Variants in MYCBP2 observed in about 807,000 individuals in gnomAD.
MYCBP2 encodes the protein E3 ubiquitin-protein ligase MYCBP2.
MYCBP2 carries 120 observed loss-of-function variants against 525.3 expected under a neutral mutation model. The observed-to-expected ratio is 0.23, with a 90% CI of 0.20 to 0.27. The LOEUF is 0.27. MYCBP2 is among the 10% of genes least tolerant of loss of function. The probability of loss-of-function intolerance (pLI) is 1.00; values close to 1 mark genes in which losing one functional copy is unlikely to be tolerated. For synonymous variants in MYCBP2, 1,894 were observed against 1,955.8 expected (o/e 0.97, Z 0.83); for missense variants, 4,149 against 5,657.1 (o/e 0.73, Z 8.55).
Position 77,081,334 on chromosome 13 carries a change from G to T in MYCBP2, c.11418+93C>A. 1 of 1,077,158 alleles carries T rather than the reference G, an allele frequency of 9.3e-7. No individual in the cohort carries two copies. Among genetic ancestry groups the T allele is most frequent in the Non-Finnish European group, 1.4e-6 (1 of 727,808 alleles). The allele number at this position is 1,077,158 out of a possible 1,614,324, so 66.7% of individuals were successfully genotyped here. ...ATGTTTGGTTGGTGAAATTCCAGGT[G>T]ATAAAGCTTGTTGCTAAATTCAGAA... On this transcript the variant is annotated intron_variant, in intron 65 of 82. Transcript: ENST00000544440. This position sits in a 1 kb window ranked among gnomAD's most constrained non-coding sequence, Gnocchi z 4.6.
intron 23 of MYCBP2, among the ~76,000 whole-genome samples, chr13:77,208,443 A>G (rs964014485): frequency 6.6e-6 from 1 of 152,210 alleles, no homozygotes; most frequent in African/African-American, 2.4e-5. Context: ...CATTGTAGGT[A>G]GTATCGTAAT....
chr13:77,297,305 T>C (rs11617489), intron 1 of MYCBP2, among the ~76,000 whole-genome samples: 4,190 of 152,324 alleles, frequency 0.028, 91 homozygotes, highest in Non-Finnish European at 0.042. Context: ...TCACTTAATA[T>C]GTTTTATGTT....
intron 46 of MYCBP2, among the ~76,000 whole-genome samples, chr13:77,154,574 AC>A (rs1460147518): frequency 6.6e-6 from 1 of 152,118 alleles, no homozygotes; most frequent in East Asian, 1.9e-4. Context: ...AGAAAATACA[AC>A]TAAAGAAATA....
At chr13:77,163,242 G>C (rs2058152995) in intron 43 of MYCBP2, among the ~76,000 whole-genome samples, 1 of 152,118 alleles carries the variant, frequency 6.6e-6, no homozygotes, top group East Asian at 1.9e-4. Context: ...ATGTCAAAAA[G>C]TATATATAAT....
At chr13:77,136,336 T>C (rs896587969) in intron 52 of MYCBP2, among the ~76,000 whole-genome samples, 4 of 152,246 alleles carry the variant, frequency 2.6e-5, no homozygotes, top group Non-Finnish European at 4.4e-5. Flanking sequence ...TTCTACTTTA[T>C]TGCCTGCATT....
chr13:77,118,083 G>T (rs1248595826), intron 55 of MYCBP2, among the ~76,000 whole-genome samples: 2 of 152,128 alleles, frequency 1.3e-5, no homozygotes, highest in African/African-American at 2.4e-5. Context: ...CTTGAAGTAA[G>T]AAAAATCCAC....
chr13:77,223,902 A>AAAATT (rs2065915594), intron 20 of MYCBP2, among the ~76,000 whole-genome samples: 1 of 150,742 alleles, frequency 6.6e-6, no homozygotes, highest in East Asian at 1.9e-4. Flanking sequence ...GTCACGAACT[A>AAAATT]AAACTAAAAC....
At chr13:77,228,228 G>C (rs1304217738) in intron 18 of MYCBP2, among the ~76,000 whole-genome samples, 7 of 152,044 alleles carry the variant, frequency 4.6e-5, no homozygotes, top group Non-Finnish European at 4.4e-5. Flanking sequence ...TGCTCAAGCT[G>C]GGCATGGTGG....
intron 18 of MYCBP2, among the ~76,000 whole-genome samples, chr13:77,231,914 C>T (rs2067188998): frequency 6.6e-6 from 1 of 152,184 alleles, no homozygotes; most frequent in Non-Finnish European, 1.5e-5. Flanking sequence ...TTGGAATCAG[C>T]TGTCTTAGGT....
chr13:77,268,123 GAAAATTGATGT>G (rs2154342669), intron 7 of MYCBP2, among the ~76,000 whole-genome samples, 186 bp from the exon 8 acceptor site: 1 of 152,194 alleles, frequency 6.6e-6, no homozygotes, highest in South Asian at 2.1e-4. Context: ...ATACATTATT[GAAAATTGATGT>G]AACATATTCC....
At chr13:77,270,251 G>T in intron 6 of MYCBP2, 45 bp downstream of exon 6, 2 of 1,559,916 alleles carry the variant, frequency 1.3e-6, no homozygotes, top group Non-Finnish European at 1.7e-6. Flanking sequence ...AATTCATTAT[G>T]GTTATAACTC....
At chr13:77,148,411 G>A (rs930088413) in intron 47 of MYCBP2, among the ~76,000 whole-genome samples, 2 of 151,866 alleles carry the variant, frequency 1.3e-5, no homozygotes, top group African/African-American at 4.8e-5. Context: ...ACTCAGAATT[G>A]TTCTGTCTCT....
Position 77,068,783 on chromosome 13 carries a change from G to A in MYCBP2, c.11953C>T (p.Arg3985Cys), listed in dbSNP as rs1331100566. ...GATATAGCATGTTCCCATTCTTCAC[G>A]GACTCTGGTAGCTTCCATGCGAATA... ...QAIRMEATRV[R>C]EEWEHAISSK... Residue 3985 changes from arginine (R) to cysteine (C), a missense_variant, in exon 70 of 83, where the codon CGT becomes TGT. Coordinates refer to ENST00000544440, the MANE Select transcript of MYCBP2 (RefSeq NM_015057.5). 8.1e-6 allele frequency: 13 copies of A among 1,614,030 alleles called. No homozygotes were observed. Among genetic ancestry groups the A allele is most frequent in the East Asian group, 4.5e-5 (2 of 44,882 alleles).
chr13:77,170,750 T>A (rs1172567074), intron 38 of MYCBP2, among the ~76,000 whole-genome samples: 1 of 151,980 alleles, frequency 6.6e-6, no homozygotes, highest in Non-Finnish European at 1.5e-5. Context: ...CTAATTTTTT[T>A]ATTTTTAGTA....
intron 44 of MYCBP2, among the ~76,000 whole-genome samples, chr13:77,161,168 G>C (rs1183809706): frequency 6.6e-6 from 1 of 152,152 alleles, no homozygotes; most frequent in Non-Finnish European, 1.5e-5. Context: ...GACAAATGCT[G>C]TCTACAGATT....
chr13:77,199,398 T>C (rs1446381726), intron 26 of MYCBP2, among the ~76,000 whole-genome samples: 1 of 152,212 alleles, frequency 6.6e-6, no homozygotes, highest in Non-Finnish European at 1.5e-5. Flanking sequence ...CCTACGCTCA[T>C]GGAGTCTCGC....
intron 26 of MYCBP2, among the ~76,000 whole-genome samples, chr13:77,199,334 G>A (rs983666454): frequency 2.0e-5 from 3 of 152,224 alleles, no homozygotes; most frequent in African/African-American, 4.8e-5. Context: ...CTTTTCTGAC[G>A]GGCTTAAAAA....
rs554011401 is a variant in MYCBP2 at position 77,063,325 on chromosome 13, A to G, written c.12673-628T>C. Among the ~76,000 whole-genome samples the G allele has an allele frequency of 1.7e-3, 258 of 152,340 alleles. 1 individual carries two copies. Among genetic ancestry groups the G allele is most frequent in the Middle Eastern group, 0.014 (4 of 294 alleles). On this transcript the variant is annotated intron_variant, in intron 73 of 82. Coordinates refer to ENST00000544440, the MANE Select transcript of MYCBP2 (RefSeq NM_015057.5). ...GTAATCCCAGCACTTTGGGAGGCCA[A>G]GGTGGGTGGATCACCTGAGGTCAGG...
rs2057184486 is a variant in MYCBP2, at chr13:77,156,115, G to A, written c.6858C>T (p.Thr2286=). ...ACTGGTCTTTTGTTTGAACAGTTAT[G>A]GTGGTAGGCCAACCACAACGAATAT... ...KDDIRCGWPT[T]ITVQTKDQYG... The change falls in exon 46 of 83, where the codon ACC becomes ACT. Residue 2286 remains threonine (T), a synonymous_variant. Coordinates refer to ENST00000544440, the MANE Select transcript of MYCBP2 (RefSeq NM_015057.5). 1 of 1,613,908 alleles carries A rather than the reference G, an allele frequency of 6.2e-7. No individual in the cohort carries two copies. Among genetic ancestry groups the A allele is most frequent in the Non-Finnish European group, 8.5e-7 (1 of 1,179,884 alleles).
Sources: gnomAD v4.1 joint callset for allele counts (sites outside exome capture counted in the v4.1 genomes callset) on GRCh38, gnomAD v4.1.1 for gene constraint, Gnocchi (gnomAD v3.1) non-coding constraint, MANE v1.5 for transcripts, NCBI Gene and HGNC (gene_info 2026-07-23, HGNC 2026-07-21) for gene names.